ZBTB1: variants seen among roughly 807,000 people sequenced by gnomAD.
The protein encoded by ZBTB1 is zinc finger and BTB domain-containing protein 1.
Under a neutral mutation model 51.6 loss-of-function variants are expected in ZBTB1, and 13 were observed. That is an observed-to-expected ratio of 0.25 (90% confidence interval 0.16 to 0.40). ZBTB1 has a LOEUF of 0.40. Ranked by LOEUF, ZBTB1 falls within the 10% of genes least tolerant of loss-of-function variation. The pLI, the probability that ZBTB1 is intolerant of heterozygous loss-of-function variation, is 1.00. For missense variants in ZBTB1, 567 were observed against 856.5 expected, an observed-to-expected ratio of 0.66 and a Z score of 4.22; for synonymous variants, 240 against 282.2, an observed-to-expected ratio of 0.85 and a Z score of 1.50.
chr14:64,529,902 G>C (rs2079930674), downstream of ZBTB1, among the ~76,000 whole-genome samples: 1 of 152,110 alleles, frequency 6.6e-6, no homozygotes, highest in African/African-American at 2.4e-5. Context: ...AACAAATGTT[G>C]GTTAGTCTAG....
intron 1 of ZBTB1, among the ~76,000 whole-genome samples, chr14:64,521,046 A>G (rs540268381): frequency 1.1e-4 from 16 of 152,208 alleles, no homozygotes; most frequent in African/African-American, 3.9e-4. Context: ...ACTTTTTTGT[A>G]GAGAAGAGGT....
downstream of ZBTB1, among the ~76,000 whole-genome samples, chr14:64,528,061 T>C (rs1225474481): frequency 6.6e-6 from 1 of 152,168 alleles, no homozygotes; most frequent in Non-Finnish European, 1.5e-5. Flanking sequence ...TGGTGGTGGT[T>C]GACAACTTTT....
intron 1 of ZBTB1, among the ~76,000 whole-genome samples, chr14:64,509,320 G>C (rs938765154): frequency 6.6e-6 from 1 of 152,184 alleles, no homozygotes; most frequent in East Asian, 1.9e-4. Context: ...GCAGTGAGCC[G>C]AAATTGCCCC....
At position 64,522,801 on chromosome 14, in the gene ZBTB1, G is replaced by C; in HGVS notation, c.1297G>C (p.Glu433Gln). Residue 433 changes from glutamate to glutamine, a missense_variant, in exon 2 of 2, where the codon GAG (glutamate) becomes CAG (glutamine). Coordinates refer to ENST00000683701, the MANE Select transcript of ZBTB1 (RefSeq NM_001123329.2). ...CELCGLTITE[E>Q]DLSSHYLAKH... Reference sequence around the variant, plus strand: ...GCTGTGTGGACTTACAATAACCGAGGAGGACCTGTCATCTCATTACTTAGC... The same window carrying C: ...GCTGTGTGGACTTACAATAACCGAGCAGGACCTGTCATCTCATTACTTAGC... The C allele has an allele frequency of 6.2e-7, 1 of 1,614,196 alleles. No individual in the cohort carries two copies.
chr14:64,528,160 G>C (rs1426330020), downstream of ZBTB1, among the ~76,000 whole-genome samples: 1 of 151,950 alleles, frequency 6.6e-6, no homozygotes, highest in Non-Finnish European at 1.5e-5. Context: ...CCCAAAACCA[G>C]TTTAGCCATT....
intron 1 of ZBTB1, among the ~76,000 whole-genome samples, chr14:64,509,488 G>C (rs991438661): frequency 6.6e-6 from 1 of 152,194 alleles, no homozygotes; most frequent in African/African-American, 2.4e-5. Context: ...GGTTATTTGG[G>C]ATCGGGGGAA....
chr14:64,526,011 G>A (rs1411622446), downstream of ZBTB1, among the ~76,000 whole-genome samples: 3 of 151,928 alleles, frequency 2.0e-5, no homozygotes, highest in East Asian at 1.9e-4. Context: ...GTGGAGACAG[G>A]GTTTCACCGT....
intron 1 of ZBTB1, chr14:64,518,349 G>A (rs2079818273): frequency 6.6e-6 from 1 of 152,120 alleles, no homozygotes; most frequent in Admixed American, 6.5e-5. Flanking sequence ...TTGAAATATT[G>A]TACTTACTTG....
chr14:64,511,678 C>T (rs2079725935), intron 1 of ZBTB1, among the ~76,000 whole-genome samples: 1 of 152,036 alleles, frequency 6.6e-6, no homozygotes, highest in African/African-American at 2.4e-5. Flanking sequence ...AATGGTGGGC[C>T]ACAGGAGATC....
Position 64,523,169 on chromosome 14 carries a change from C to T in ZBTB1, c.1665C>T (p.Ser555=), listed in dbSNP as rs143094641. The change falls in exon 2 of 2, where the codon AGC becomes AGT. Residue 555 remains serine, a synonymous_variant. Transcript: ENST00000683701. The surrounding 1 kb of genome is among the most constrained non-coding windows in gnomAD (Gnocchi z 4.5). ...ATCTAGTGGTTGAACATATGTCTAG[C>T]TGCTTAGATCAAGATATGTTTAAGA... ...TENLVVEHMS[S]CLDQDMFKSA... 1.7e-4 allele frequency: 280 copies of T among 1,614,128 alleles called. 2 individuals carry two copies. The East Asian group carries it at 2.9e-3, about 17-fold the overall frequency.
intron 1 of ZBTB1, among the ~76,000 whole-genome samples, chr14:64,506,402 G>A (rs529013117): frequency 2.6e-4 from 40 of 152,216 alleles, no homozygotes; most frequent in Middle Eastern, 3.4e-3. Flanking sequence ...GCGTGGTGGC[G>A]GGCGCCTGTA....
downstream of ZBTB1, among the ~76,000 whole-genome samples, chr14:64,525,874 G>T (rs2079900032): frequency 6.6e-6 from 1 of 152,008 alleles, no homozygotes; most frequent in Non-Finnish European, 1.5e-5. Flanking sequence ...AGGCTGGAGT[G>T]CAGTGGTACA....
intron 1 of ZBTB1, among the ~76,000 whole-genome samples, chr14:64,515,258 C>T (rs951881863): frequency 6.6e-5 from 10 of 152,168 alleles, no homozygotes; most frequent in Non-Finnish European, 1.5e-5. Context: ...GAGCCCTTGA[C>T]TTCTAGTTGT....
intron 1 of ZBTB1, among the ~76,000 whole-genome samples, chr14:64,517,309 C>T (rs2079796879): frequency 1.3e-5 from 2 of 152,280 alleles, no homozygotes; most frequent in South Asian, 4.1e-4. Context: ...AGTGGCAAAG[C>T]TAGATAAGAA....
chr14:64,533,260 T>A (rs1467583329), exon 3 of ZBTB1: 2 of 152,056 alleles, frequency 1.3e-5, no homozygotes, highest in Non-Finnish European at 2.9e-5. Flanking sequence ...TCTACTGCTT[T>A]AAGAGAAATA....
chr14:64,505,200 T>G (rs991234596), intron 1 of ZBTB1: 2 of 312,624 alleles, frequency 6.4e-6, no homozygotes, highest in South Asian at 1.6e-4. Flanking sequence ...GTTCCCAAAT[T>G]AGTTACCTTC....
chr14:64,524,302 C>G lies in ZBTB1; in HGVS notation c.*656C>G. On this transcript the variant is annotated 3_prime_UTR_variant, in exon 2 of 2. Coordinates refer to ENST00000683701, the MANE Select transcript of ZBTB1 (RefSeq NM_001123329.2). ...ATAAAATATTATCATTTAATTATCA[C>G]ATTTAAAACTTATATTAAGTGTAAA... is the stretch of plus-strand genomic sequence containing the variant. 4.2e-6 allele frequency: 4 copies of G among 947,234 alleles called. No homozygotes were observed. The highest frequency in any genetic ancestry group is 5.0e-6 in the Non-Finnish European group (4 of 795,412). The allele number at this position is 947,234 out of a possible 1,614,324, so 58.7% of individuals were successfully genotyped here.
At chr14:64,505,128 G>A in intron 1 of ZBTB1, 182 bp downstream of exon 1, 1 of 343,870 alleles carries the variant, frequency 2.9e-6, no homozygotes, top group Non-Finnish European at 5.2e-6. Context: ...GCTTGTTGCC[G>A]GCGCGTCAGG....
Position 64,524,603 on chromosome 14 carries a change from A to G in ZBTB1, c.*957A>G, listed in dbSNP as rs2079889010. ...AACTTTGAGATTTGAGAAAGCTTCC[A>G]TGTATATTGATAAATCTAATAAAAT... On this transcript the variant is annotated 3_prime_UTR_variant, in exon 2 of 2. Coordinates refer to ENST00000683701, the MANE Select transcript of ZBTB1 (RefSeq NM_001123329.2). The G allele has an allele frequency of 1.0e-6, 1 of 982,248 alleles. No individual in the cohort carries two copies. Among genetic ancestry groups the G allele is most frequent in the Non-Finnish European group, 1.2e-6 (1 of 827,022 alleles). 60.8% of individuals were successfully genotyped at this position (982,248 alleles called of 1,614,324 possible). A position where few individuals can be genotyped will look rare whatever the true frequency, so the allele number is the denominator to read the frequency against.
Sources: allele counts gnomAD v4.1 joint callset (sites outside exome capture counted in the v4.1 genomes callset), GRCh38; gene constraint gnomAD v4.1.1; non-coding constraint Gnocchi (gnomAD v3.1); transcripts MANE v1.5; gene names NCBI Gene and HGNC (gene_info 2026-07-23, HGNC 2026-07-21).